EXOC4: variants seen among roughly 807,000 people sequenced by gnomAD.
EXOC4 encodes exocyst complex component 4, also known as SEC8-like 1.
EXOC4 carries 71 observed loss-of-function variants against 107.2 expected under a neutral mutation model. The ratio of observed to expected loss-of-function variants is 0.66; its 90% CI spans 0.55 to 0.81. EXOC4 has a LOEUF of 0.81. EXOC4 is among the 30% of genes least tolerant of loss of function. EXOC4 has a pLI of 0.00. For synonymous variants in EXOC4, 456 were observed against 441.2 expected (o/e 1.03, Z -0.42); for missense variants, 1,108 against 1,189.6 (o/e 0.93, Z 1.01).
At chr7:133,350,745 G>A (rs1381026792) in intron 5 of EXOC4, among the ~76,000 whole-genome samples, 3 of 152,062 alleles carry the variant, frequency 2.0e-5, no homozygotes, top group African/African-American at 7.2e-5. Flanking sequence ...TGATGGGGCA[G>A]TTGCATTGAC....
intron 10 of EXOC4, among the ~76,000 whole-genome samples, chr7:133,801,474 G>A (rs1000953345): frequency 4.6e-5 from 7 of 152,116 alleles, no homozygotes; most frequent in Non-Finnish European, 8.8e-5. Flanking sequence ...CCTAATTCTC[G>A]TGTCTGGCCT....
rs74999999 is a variant in EXOC4, at chr7:133,839,245, C to T, written c.1734+21701C>T. Among the ~76,000 whole-genome samples, 366 of 152,282 alleles carry T rather than the reference C, an allele frequency of 2.4e-3. 5 individuals are homozygous for T. The highest frequency in any genetic ancestry group is 8.2e-3 in the African/African-American group (342 of 41,558). On this transcript the variant is annotated intron_variant, in intron 11 of 17. Transcript: ENST00000253861. ...GTATATTGCTGTGTGCCTGCCTTTC[C>T]CCGAACTCTGACTTTTTCCTGCATA... is the stretch of plus-strand genomic sequence containing the variant.
At chr7:133,511,744 C>T (rs1799772867) in intron 9 of EXOC4, among the ~76,000 whole-genome samples, 2 of 151,702 alleles carry the variant, frequency 1.3e-5, no homozygotes, top group South Asian at 2.1e-4. Flanking sequence ...TCCTCCCTCC[C>T]CTCCCTTCCC....
chr7:133,630,124 A>T lies in EXOC4; in HGVS notation c.1497A>T (p.Ile499=). The T allele has an allele frequency of 6.2e-7, 1 of 1,613,310 alleles. No individual in the cohort carries two copies. Among genetic ancestry groups the T allele is most frequent in the Non-Finnish European group, 8.5e-7 (1 of 1,179,298 alleles). The stretch of plus-strand genomic sequence containing the variant: ...CTGGAGCCAGAAACATTACCGTCAT[A>T]TTCCACCCATTACTAAGGTAAGTCA... ...CKPGARNITV[I]FHPLLRFIQE... is the part of the protein sequence containing the mutation. The change falls in exon 10 of 18, where the codon ATA becomes ATT. Residue 499 remains isoleucine, a synonymous_variant. Transcript: ENST00000253861.
At chr7:133,629,981 C>A in intron 9 of EXOC4, 64 bp from the exon 10 acceptor site, 1 of 1,194,012 alleles carries the variant, frequency 8.4e-7, no homozygotes, top group South Asian at 1.2e-5. Flanking sequence ...TCTAGATATG[C>A]TTGGTTTGTT....
At chr7:133,831,230 T>A (rs1449899208) in intron 11 of EXOC4, among the ~76,000 whole-genome samples, 1 of 152,184 alleles carries the variant, frequency 6.6e-6, no homozygotes, top group Non-Finnish European at 1.5e-5. Flanking sequence ...CCCAAAGTGC[T>A]GGGATTACAG....
chr7:133,342,306 G>T (rs978187190), intron 5 of EXOC4, among the ~76,000 whole-genome samples: 1 of 152,060 alleles, frequency 6.6e-6, no homozygotes, highest in Non-Finnish European at 1.5e-5. Context: ...GCTTAGTTTT[G>T]CTGGATACGA....
At chr7:133,387,009 C>T (rs1796742555) in intron 7 of EXOC4, among the ~76,000 whole-genome samples, 1 of 152,136 alleles carries the variant, frequency 6.6e-6, no homozygotes, top group Non-Finnish European at 1.5e-5. Flanking sequence ...TTATCCTATT[C>T]ATGGTCAGTC....
intron 9 of EXOC4, among the ~76,000 whole-genome samples, chr7:133,497,790 G>A (rs1398829675): frequency 2.0e-5 from 3 of 151,940 alleles, no homozygotes; most frequent in African/African-American, 7.3e-5. Flanking sequence ...TGACAGGCAG[G>A]GATATCACTA....
At chr7:133,374,749 G>GT in intron 6 of EXOC4, 79 bp from the exon 7 acceptor site, 1 of 1,189,642 alleles carries the variant, frequency 8.4e-7, no homozygotes, top group South Asian at 1.5e-5. Context: ...TTAGTTTGAT[G>GT]TTTTTCTTGC....
In EXOC4 at chr7:133,303,326, C is replaced by T. The variant is rs182198557; in HGVS notation, c.472-2551C>T. ...GCAGGCATCTGTAATCCCAGCTCCT[C>T]GGGAGGCTGAGGCAGGAGAATCGCT... is the stretch of plus-strand genomic sequence containing the variant. On this transcript the variant is annotated intron_variant, in intron 3 of 17. Coordinates refer to ENST00000253861, the MANE Select transcript of EXOC4 (RefSeq NM_021807.4). Among the ~76,000 whole-genome samples, 876 of 152,136 alleles carry T rather than the reference C, an allele frequency of 5.8e-3. 10 individuals are homozygous for T. The highest frequency in any genetic ancestry group is 0.017 in the African/African-American group (725 of 41,498).
chr7:133,306,484 G>T (rs1326008096), intron 4 of EXOC4, among the ~76,000 whole-genome samples: 4 of 152,070 alleles, frequency 2.6e-5, no homozygotes, highest in African/African-American at 9.7e-5. Flanking sequence ...GATTGCATGA[G>T]CCCAAGAGTT....
chr7:134,077,612 C>T, the EXOC4 span, among the ~76,000 whole-genome samples: 6 of 152,274 alleles, frequency 3.9e-5, no homozygotes, highest in South Asian at 2.1e-4. Context: ...GAACAAAGAC[C>T]GCACCTGAAT....
At chr7:133,332,119 A>G (rs766943640) in intron 5 of EXOC4, among the ~76,000 whole-genome samples, 12 of 152,160 alleles carry the variant, frequency 7.9e-5, no homozygotes, top group Non-Finnish European at 1.5e-4. Flanking sequence ...CAGGCATTTC[A>G]TTTGTGGCCT....
At chr7:133,962,103 G>T (rs1395988461) in intron 14 of EXOC4, among the ~76,000 whole-genome samples, 1 of 152,130 alleles carries the variant, frequency 6.6e-6, no homozygotes, top group Non-Finnish European at 1.5e-5. Context: ...ACCGAGCCAG[G>T]ATGTCTGACT....
chr7:133,270,699 C>G (rs1253751735), intron 1 of EXOC4, among the ~76,000 whole-genome samples: 3 of 152,084 alleles, frequency 2.0e-5, no homozygotes, highest in African/African-American at 7.2e-5. Flanking sequence ...CAGTGAATTG[C>G]TTTGTCAGCT....
chr7:133,556,550 G>A (rs564198871), intron 9 of EXOC4, among the ~76,000 whole-genome samples: 26 of 152,224 alleles, frequency 1.7e-4, no homozygotes, highest in Admixed American at 1.3e-4. Context: ...AATATACCAT[G>A]TCAGATTTTG....
At chr7:133,724,009 A>G (rs1345686523) in intron 10 of EXOC4, among the ~76,000 whole-genome samples, 1 of 152,194 alleles carries the variant, frequency 6.6e-6, no homozygotes, top group Non-Finnish European at 1.5e-5. Flanking sequence ...CCTGAGTTAT[A>G]TATATATTAA....
intron 7 of EXOC4, among the ~76,000 whole-genome samples, chr7:133,406,855 C>G (rs1054429020): frequency 6.6e-6 from 1 of 152,198 alleles, no homozygotes; most frequent in African/African-American, 2.4e-5. Context: ...TAGTCCTCCA[C>G]TTGGACAGAG....
Sources: gnomAD v4.1 joint callset for allele counts (sites outside exome capture counted in the v4.1 genomes callset) on GRCh38, gnomAD v4.1.1 for gene constraint, MANE v1.5 for transcripts, NCBI Gene and HGNC (gene_info 2026-07-23, HGNC 2026-07-21) for gene names.